The following THADA variants were observed in gnomAD, a reference collection of about 807,000 sequenced individuals.
THADA encodes THADA armadillo repeat containing, also known as tRNA (32-2'-O)-methyltransferase regulator THADA.
In THADA, 213 loss-of-function variants were observed where a neutral mutation model predicts 219.8. The observed-to-expected ratio is 0.97, with a 90% CI of 0.87 to 1.09. The LOEUF is 1.09. Among genes scored for constraint, THADA ranks in the 50% least tolerant of loss-of-function variants. The pLI, the probability that THADA is intolerant of heterozygous loss-of-function variation, is 0.00. For missense variants in THADA, 2,956 were observed against 2,311.3 expected (o/e 1.28, Z -5.72); for synonymous variants, 1,018 against 828.9 (o/e 1.23, Z -3.92).
At chr2:43,473,497 TA>T (rs1685158795) in intron 26 of THADA, among the ~76,000 whole-genome samples, 2 of 152,122 alleles carry the variant, frequency 1.3e-5, no homozygotes, top group Admixed American at 1.3e-4. Flanking sequence ...ACTTTTTTTT[TA>T]ATAAGTAGGA....
rs1248381377 is a variant in THADA at position 43,287,027 on chromosome 2, C to T, written c.5045G>A (p.Trp1682Ter). ...RELIAAELKQ[W>*]VQLVILSCED... ...ACATGACAAGATGACCAGCTGAACC[C>T]ACTGCTTCAGCTCAGCAGCTATCAA... Residue 1682 changes from tryptophan to a stop codon, truncating the protein, a stop_gained, in exon 35 of 38, where the codon TGG becomes TAG. Coordinates refer to ENST00000405975, the MANE Select transcript of THADA (RefSeq NM_022065.5). LOFTEE classifies it high-confidence loss of function. 1.2e-6 allele frequency: 2 copies of T among 1,613,826 alleles called. No individual in the cohort carries two copies. The highest frequency in any genetic ancestry group is 1.1e-5 in the South Asian group (1 of 91,046).
chr2:43,544,549 A>C (rs1264025829), intron 20 of THADA, among the ~76,000 whole-genome samples: 8 of 151,818 alleles, frequency 5.3e-5, no homozygotes, highest in East Asian at 3.9e-4. Flanking sequence ...CTTTTATTTC[A>C]TTGAGCAGTG....
chr2:43,254,888 T>C (rs936469244), intron 36 of THADA, among the ~76,000 whole-genome samples: 2 of 152,190 alleles, frequency 1.3e-5, no homozygotes, highest in Non-Finnish European at 2.9e-5. Context: ...CTGGTCTACA[T>C]CCTTGTCTCC....
chr2:43,499,477 A>G (rs1304395274), intron 24 of THADA, among the ~76,000 whole-genome samples: 4 of 152,172 alleles, frequency 2.6e-5, no homozygotes, highest in Non-Finnish European at 5.9e-5. Context: ...CCCAGGTTCA[A>G]GCGATTCTCC....
intron 25 of THADA, among the ~76,000 whole-genome samples, chr2:43,493,947 C>G (rs1687960574): frequency 6.6e-6 from 1 of 152,172 alleles, no homozygotes; most frequent in African/African-American, 2.4e-5. Context: ...TCCCATGACT[C>G]CCCTGCTATA....
Position 43,505,722 on chromosome 2 carries a change from G to C in THADA, c.3521C>G (p.Ser1174Cys), listed in dbSNP as rs756694917. The change falls in exon 24 of 38, where the codon TCT becomes TGT. Residue 1174 changes from serine (S) to cysteine (C), a missense_variant. Transcript: ENST00000405975. ...IPFYIQALLA[S>C]EPKKGRMDLL... The stretch of plus-strand genomic sequence containing the variant: ...ATCCATTCTGCCTTTCTTTGGTTCA[G>C]ATGCCAACAGTGCCTATGGAAAAAG... 7.6e-6 allele frequency: 12 copies of C among 1,581,918 alleles called. No individual in the cohort carries two copies. The highest frequency in any genetic ancestry group is 1.2e-5 in the South Asian group (1 of 86,662).
At chr2:43,372,082 T>C (rs1670873281) in intron 29 of THADA, 1 of 152,202 alleles carries the variant, frequency 6.6e-6, no homozygotes, top group Non-Finnish European at 1.5e-5. Context: ...CCTCACAATA[T>C]AAACTTCTTT....
intron 21 of THADA, 140 bp downstream of exon 21, chr2:43,541,019 C>T: frequency 1.2e-6 from 1 of 851,280 alleles, no homozygotes; most frequent in Non-Finnish European, 1.7e-6. Context: ...TCTAAATTAC[C>T]ATGAACTTTC....
chr2:43,505,263 G>A (rs534188648), intron 24 of THADA, among the ~76,000 whole-genome samples: 1 of 151,918 alleles, frequency 6.6e-6, no homozygotes, highest in South Asian at 2.1e-4. Flanking sequence ...TTTAAAAATT[G>A]TTTGCTTTGA....
intron 29 of THADA, among the ~76,000 whole-genome samples, chr2:43,383,226 G>A (rs1212124637): frequency 6.6e-6 from 1 of 152,100 alleles, no homozygotes; most frequent in South Asian, 2.1e-4. Flanking sequence ...TATCAAAATT[G>A]GTTGTTGGAA....
At chr2:43,577,352 G>A (rs74635113) in intron 9 of THADA, 110 bp from the exon 10 acceptor site, 13,267 of 858,608 alleles carry the variant, frequency 0.015, 441 homozygotes, top group South Asian at 0.11. Flanking sequence ...TAGGAAAAAT[G>A]ACTAAATCCA....
At chr2:43,509,341 G>C (rs1448583322) in intron 22 of THADA, among the ~76,000 whole-genome samples, 1 of 152,200 alleles carries the variant, frequency 6.6e-6, no homozygotes, top group Non-Finnish European at 1.5e-5. Context: ...ACATCAGTGA[G>C]CTTCTGCATT....
At chr2:43,309,993 T>C (rs1228956348) in intron 31 of THADA, among the ~76,000 whole-genome samples, 1 of 152,256 alleles carries the variant, frequency 6.6e-6, no homozygotes, top group Non-Finnish European at 1.5e-5. Context: ...AGGAACAAAT[T>C]ATTTAATGAA....
At chr2:43,556,621 A>C in intron 16 of THADA, 66 bp from the exon 17 acceptor site, 1 of 1,466,534 alleles carries the variant, frequency 6.8e-7, no homozygotes, top group Non-Finnish European at 9.2e-7. Context: ...AAAATAGTAA[A>C]TTTTTTAAAA....
At chr2:43,307,806 A>G (rs368998540) in intron 31 of THADA, among the ~76,000 whole-genome samples, 77 of 152,372 alleles carry the variant, frequency 5.1e-4, no homozygotes, top group South Asian at 4.8e-3. Context: ...AAAAAATTAT[A>G]AGCACGCAAA....
chr2:43,489,874 C>CAAAA (rs201735523), intron 25 of THADA, among the ~76,000 whole-genome samples: 11 of 56,032 alleles, frequency 2.0e-4, no homozygotes, highest in African/African-American at 4.7e-4. Flanking sequence ...TTAAGATCTG[C>CAAAA]AAAAAAAAAA....
intron 36 of THADA, among the ~76,000 whole-genome samples, chr2:43,234,196 C>G (rs781165512): frequency 3.3e-5 from 5 of 152,184 alleles, no homozygotes; most frequent in Non-Finnish European, 7.3e-5. Flanking sequence ...TTACAGTTGG[C>G]AACAAGTTTC....
At chr2:43,414,344 C>G (rs779210585) in intron 28 of THADA, among the ~76,000 whole-genome samples, 2 of 152,202 alleles carry the variant, frequency 1.3e-5, no homozygotes, top group Non-Finnish European at 2.9e-5. Context: ...GGACTCTGGC[C>G]TTGATGCGTG....
chr2:43,426,179 T>C (rs977832345), intron 28 of THADA, among the ~76,000 whole-genome samples: 2 of 152,232 alleles, frequency 1.3e-5, no homozygotes, highest in African/African-American at 2.4e-5. Context: ...AATGGATACT[T>C]TGAATATAAT....
Sources: allele counts gnomAD v4.1 joint callset (sites outside exome capture counted in the v4.1 genomes callset), GRCh38; gene constraint gnomAD v4.1.1; transcripts MANE v1.5; gene names NCBI Gene and HGNC (gene_info 2026-07-23, HGNC 2026-07-21).